EXOC6B: variants seen among roughly 807,000 people sequenced by gnomAD.
EXOC6B encodes the protein exocyst complex component 6B, also known as SEC15 homolog B.
A neutral mutation model predicts 113.5 loss-of-function variants in EXOC6B; 54 were observed. That is an observed-to-expected ratio of 0.48 (90% CI 0.38 to 0.60). The LOEUF is 0.60. Ranked by LOEUF, EXOC6B falls within the 20% of genes least tolerant of loss-of-function variation. The probability of loss-of-function intolerance (pLI) is 0.00; values close to 1 mark genes in which losing one functional copy is unlikely to be tolerated. For synonymous variants in EXOC6B, 357 were observed against 339.0 expected (o/e 1.05, Z -0.58); for missense variants, 797 against 977.5 (o/e 0.82, Z 2.46).
intron 1 of EXOC6B, among the ~76,000 whole-genome samples, chr2:72,824,420 G>A (rs552820879): frequency 3.3e-4 from 50 of 152,292 alleles, no homozygotes; most frequent in Admixed American, 5.9e-4. Context: ...AAAAGTAATT[G>A]CGGTTTTTGC....
chr2:72,534,708 C>T (rs955048205), intron 8 of EXOC6B, among the ~76,000 whole-genome samples: 11 of 152,132 alleles, frequency 7.2e-5, no homozygotes, highest in African/African-American at 2.7e-4. Flanking sequence ...ATTTATTCTT[C>T]TCTACAACTC....
At chr2:72,265,052 G>A (rs1645788373) in intron 20 of EXOC6B, among the ~76,000 whole-genome samples, 1 of 151,846 alleles carries the variant, frequency 6.6e-6, no homozygotes, top group Admixed American at 6.6e-5. Flanking sequence ...GCAGAGGTTG[G>A]AACGGTTTAG....
At chr2:72,735,753 T>C (rs1031496678) in intron 2 of EXOC6B, among the ~76,000 whole-genome samples, 3 of 151,680 alleles carry the variant, frequency 2.0e-5, no homozygotes, top group African/African-American at 7.3e-5. Context: ...TGGGGGGACG[T>C]GGGTTGCAGG....
chr2:72,447,479 A>G (rs1317668742), intron 18 of EXOC6B, among the ~76,000 whole-genome samples: 5 of 152,146 alleles, frequency 3.3e-5, no homozygotes, highest in Non-Finnish European at 7.3e-5. Flanking sequence ...CTATACCAAA[A>G]AAACTCAAGT....
At chr2:72,782,889 T>C (rs1684142894) in intron 1 of EXOC6B, among the ~76,000 whole-genome samples, 1 of 152,236 alleles carries the variant, frequency 6.6e-6, no homozygotes, top group Non-Finnish European at 1.5e-5. Context: ...AGTATTCCAT[T>C]GTGTATACCT....
intron 3 of EXOC6B, among the ~76,000 whole-genome samples, chr2:72,732,810 A>G (rs976318068): frequency 2.6e-5 from 4 of 152,176 alleles, no homozygotes; most frequent in African/African-American, 9.6e-5. Context: ...AGGAAATAAC[A>G]TATCAGGCAG....
At chr2:72,677,274 G>A (rs895415243) in intron 6 of EXOC6B, among the ~76,000 whole-genome samples, 6 of 152,074 alleles carry the variant, frequency 3.9e-5, no homozygotes, top group Non-Finnish European at 7.3e-5. Context: ...GCTCGCATCT[G>A]TAATCCAGCA....
chr2:72,750,126 C>T (rs1383098579), intron 1 of EXOC6B, among the ~76,000 whole-genome samples: 1 of 151,710 alleles, frequency 6.6e-6, no homozygotes, highest in Admixed American at 6.6e-5. Flanking sequence ...GACCTAACAA[C>T]ACCACATTCA....
Position 72,178,662 on chromosome 2 carries a change from C to T in EXOC6B, c.*673G>A, listed in dbSNP as rs1677888275. ...AGTTAAACATGGGATCCAATTATTA[C>T]TGCTGTCTACTTAGCTGTATCCTGC... On this transcript the variant is annotated 3_prime_UTR_variant, in exon 22 of 22. Transcript: ENST00000272427. 1 of 152,256 alleles carries T rather than the reference C, an allele frequency of 6.6e-6. No homozygotes were observed. The highest frequency in any genetic ancestry group is 6.5e-5 in the Admixed American group (1 of 15,292). 9.4% of individuals were successfully genotyped at this position (152,256 alleles called of 1,614,324 possible).
In EXOC6B at chr2:72,477,781, TC is replaced by T. The variant is rs367753262; in HGVS notation, c.1800+2834del. 1.4e-4 allele frequency among the ~76,000 whole-genome samples: 22 copies of T among 152,344 alleles called. 2 individuals are homozygous for T. The highest frequency in any genetic ancestry group is 4.6e-4 in the African/African-American group (19 of 41,582). On this transcript the variant is annotated intron_variant, in intron 17 of 21. Transcript: ENST00000272427. Reference sequence around the variant, plus strand: ...ACCCCCTTACTATTTCTTGAACACATCCATACCTACCACTGTGCTGTCCCCT... The same window carrying T: ...ACCCCCTTACTATTTCTTGAACACATCATACCTACCACTGTGCTGTCCCCT...
At chr2:72,401,510 T>C (rs1263284310) in intron 18 of EXOC6B, among the ~76,000 whole-genome samples, 1 of 41,748 alleles carries the variant, frequency 2.4e-5, no homozygotes, top group Non-Finnish European at 3.5e-5. Flanking sequence ...TATATATATA[T>C]ATATACATAT....
intron 20 of EXOC6B, among the ~76,000 whole-genome samples, chr2:72,259,982 G>A (rs376963397): frequency 6.6e-6 from 1 of 152,088 alleles, no homozygotes. Flanking sequence ...AGCCCAGAAG[G>A]TCAAGGCTGC....
chr2:72,538,062 A>G lies in EXOC6B; in HGVS notation c.915+21391T>C, dbSNP rs897645699. Among the ~76,000 whole-genome samples, 52 of 151,776 alleles carry G rather than the reference A, an allele frequency of 3.4e-4. 1 individual carries two copies. The highest frequency in any genetic ancestry group is 1.2e-3 in the African/African-American group (50 of 41,262). ...TACCTCAAACTCCTGGGCTCAAGCA[A>G]TCCTCCCACCTCACCTCCCAAAGTA... On this transcript the variant is annotated intron_variant, in intron 8 of 21. Coordinates refer to ENST00000272427, the MANE Select transcript of EXOC6B (RefSeq NM_015189.3).
chr2:72,191,431 A>C (rs1009447052), intron 20 of EXOC6B, among the ~76,000 whole-genome samples: 3 of 152,208 alleles, frequency 2.0e-5, no homozygotes, highest in Non-Finnish European at 4.4e-5. Flanking sequence ...AAAATCACAA[A>C]GTAGACAAGT....
chr2:72,379,608 T>A, intron 19 of EXOC6B, 121 bp downstream of exon 19: 1 of 911,278 alleles, frequency 1.1e-6, no homozygotes, highest in Non-Finnish European at 1.6e-6. Flanking sequence ...TTATCTCTGT[T>A]ATCTAGGTAT....
At chr2:72,650,588 C>T (rs1440755077) in intron 6 of EXOC6B, among the ~76,000 whole-genome samples, 2 of 140,294 alleles carry the variant, frequency 1.4e-5, no homozygotes, top group East Asian at 2.1e-4. Context: ...AGGTAGACTC[C>T]GTCTGAAAGA....
At position 72,476,373 on chromosome 2, in the gene EXOC6B, T is replaced by C. The variant is rs545757617; in HGVS notation, c.1800+4243A>G. On this transcript the variant is annotated intron_variant, in intron 17 of 21. Coordinates refer to ENST00000272427, the MANE Select transcript of EXOC6B (RefSeq NM_015189.3). The stretch of plus-strand genomic sequence containing the variant: ...TTACAGTGTTCTCTCTTGGGTGGTC[T>C]ATTTGAAATGTGATCATCTACTCAT... 5.9e-5 allele frequency among the ~76,000 whole-genome samples: 9 copies of C among 152,338 alleles called. No individual in the cohort carries two copies. In the South Asian group the frequency reaches 1.9e-3, roughly 32 times the overall value.
intron 18 of EXOC6B, among the ~76,000 whole-genome samples, chr2:72,398,934 A>G (rs1221435398): frequency 6.6e-6 from 1 of 152,020 alleles, no homozygotes; most frequent in Non-Finnish European, 1.5e-5. Flanking sequence ...AACAATAAAA[A>G]GAAAATAGTA....
chr2:72,382,168 A>G (rs114697619), intron 18 of EXOC6B, among the ~76,000 whole-genome samples: 2,149 of 152,322 alleles, frequency 0.014, 66 homozygotes, highest in African/African-American at 0.049. Flanking sequence ...GTTTTAATTA[A>G]ACCCACCAGA....
Sources: allele counts gnomAD v4.1 joint callset (sites outside exome capture counted in the v4.1 genomes callset), GRCh38; gene constraint gnomAD v4.1.1; transcripts MANE v1.5; gene names NCBI Gene and HGNC (gene_info 2026-07-23, HGNC 2026-07-21).